Variants in ASAP1 observed in about 807,000 individuals in gnomAD.
The protein encoded by ASAP1 is ArfGAP with SH3 domain, ankyrin repeat and PH domain 1, also known as arf-GAP with SH3 domain, ANK repeat and PH domain-containing protein 1.
Under a neutral mutation model 145.2 loss-of-function variants are expected in ASAP1, and 43 were observed. The ratio of observed to expected loss-of-function variants is 0.30; its 90% CI spans 0.23 to 0.38. The LOEUF (loss-of-function observed/expected upper bound fraction) is 0.38. ASAP1 is among the 10% of genes least tolerant of loss of function. ASAP1 has a pLI of 1.00. For missense variants in ASAP1, 1,018 were observed against 1,355.3 expected, an observed-to-expected ratio of 0.75 and a Z score of 3.91; for synonymous variants, 546 against 515.5, an observed-to-expected ratio of 1.06 and a Z score of -0.80.
chr8:130,407,039 T>C lies in ASAP1; in HGVS notation c.-27-5069A>G, dbSNP rs556361768. Among the ~76,000 whole-genome samples, 24 of 152,278 alleles carry C rather than the reference T, an allele frequency of 1.6e-4. 1 individual carries two copies. Among genetic ancestry groups the C allele is most frequent in the Admixed American group, 3.9e-4 (6 of 15,288 alleles). On this transcript the variant is annotated intron_variant, in intron 1 of 29. Coordinates refer to ENST00000518721, the MANE Select transcript of ASAP1 (RefSeq NM_018482.4). ...AACCATAAGGAAAGTACCTACCTCA[T>C]GCAGTCATAGCAAGAATTAATAAGA...
chr8:130,092,337 TAA>T (rs1434352953), intron 24 of ASAP1, among the ~76,000 whole-genome samples, 194 bp from the exon 25 acceptor site: 1 of 148,582 alleles, frequency 6.7e-6, no homozygotes, highest in African/African-American at 2.4e-5. Flanking sequence ...AAAAAAAAAA[TAA>T]AATTGGCCAG....
intron 3 of ASAP1, among the ~76,000 whole-genome samples, chr8:130,263,964 A>G (rs902567608): frequency 4.2e-4 from 64 of 152,314 alleles, no homozygotes; most frequent in African/African-American, 1.5e-3. Flanking sequence ...CTTGCCACAG[A>G]CCTCTGTGGT....
intron 3 of ASAP1, among the ~76,000 whole-genome samples, chr8:130,303,025 G>A (rs1822774161): frequency 1.3e-5 from 2 of 152,064 alleles, no homozygotes; most frequent in Non-Finnish European, 1.5e-5. Context: ...GTTTTTGTTT[G>A]GTTAAAAACC....
At chr8:130,169,603 C>T (rs577494714) in intron 9 of ASAP1, among the ~76,000 whole-genome samples, 7 of 152,316 alleles carry the variant, frequency 4.6e-5, no homozygotes, top group Non-Finnish European at 8.8e-5. Flanking sequence ...ATAATACCAA[C>T]GGGTTTGGAA....
intron 25 of ASAP1, among the ~76,000 whole-genome samples, chr8:130,082,305 GT>G (rs1334463146): frequency 6.6e-6 from 1 of 152,032 alleles, no homozygotes; most frequent in African/African-American, 2.4e-5. Context: ...GACTTCTTTG[GT>G]AACTCATAAA....
intron 2 of ASAP1, among the ~76,000 whole-genome samples, chr8:130,395,473 C>T (rs1828484246): frequency 6.6e-6 from 1 of 152,202 alleles, no homozygotes; most frequent in Admixed American, 6.5e-5. Flanking sequence ...GAGAGGCACA[C>T]AGGCAGAATG....
At chr8:130,126,286 T>G (rs535119079) in intron 16 of ASAP1, among the ~76,000 whole-genome samples, 197 bp from the exon 17 acceptor site, 1 of 152,330 alleles carries the variant, frequency 6.6e-6, no homozygotes, top group East Asian at 1.9e-4. Flanking sequence ...GAAAACAAAA[T>G]TAAGCACTTT....
chr8:130,364,955 T>C (rs547618463), intron 2 of ASAP1, among the ~76,000 whole-genome samples: 2 of 152,006 alleles, frequency 1.3e-5, no homozygotes, highest in Admixed American at 6.6e-5. Context: ...ATAAATAAAA[T>C]AAAACACAAA....
intron 3 of ASAP1, among the ~76,000 whole-genome samples, chr8:130,329,354 TG>T (rs1365192636): frequency 6.6e-6 from 1 of 152,224 alleles, no homozygotes; most frequent in Non-Finnish European, 1.5e-5. Flanking sequence ...AGCTTTGGCT[TG>T]GCTCTTTTCA....
chr8:130,385,872 G>A (rs992502529), intron 2 of ASAP1, among the ~76,000 whole-genome samples: 1 of 152,162 alleles, frequency 6.6e-6, no homozygotes, highest in African/African-American at 2.4e-5. Flanking sequence ...AATTCCCACT[G>A]GGGAGTCCCC....
At chr8:130,165,378 C>G (rs1484647361) in intron 11 of ASAP1, among the ~76,000 whole-genome samples, 1 of 152,146 alleles carries the variant, frequency 6.6e-6, no homozygotes, top group South Asian at 2.1e-4. Context: ...ACAATATTCT[C>G]CCAAGACTGA....
chr8:130,217,250 A>T (rs1816983909), intron 4 of ASAP1, among the ~76,000 whole-genome samples: 1 of 152,202 alleles, frequency 6.6e-6, no homozygotes, highest in Admixed American at 6.5e-5. Flanking sequence ...GTAGATGCAT[A>T]GTATTTACAT....
intron 3 of ASAP1, among the ~76,000 whole-genome samples, chr8:130,288,582 C>T (rs915752679): frequency 2.0e-5 from 3 of 152,156 alleles, no homozygotes; most frequent in Non-Finnish European, 4.4e-5. Context: ...TGTTAATCAC[C>T]TTCAAGACCC....
At chr8:130,390,607 T>A (rs1828233261) in intron 2 of ASAP1, among the ~76,000 whole-genome samples, 1 of 152,254 alleles carries the variant, frequency 6.6e-6, no homozygotes, top group African/African-American at 2.4e-5. Context: ...TTTAGGTCTG[T>A]ATTCTCAGTG....
intron 3 of ASAP1, among the ~76,000 whole-genome samples, chr8:130,321,438 C>T (rs545167939): frequency 2.3e-4 from 35 of 152,124 alleles, no homozygotes; most frequent in Non-Finnish European, 4.1e-4. Flanking sequence ...TAAAATCCCT[C>T]CTCAGTCAAT....
intron 13 of ASAP1, among the ~76,000 whole-genome samples, chr8:130,150,094 T>C (rs1168365628): frequency 6.6e-6 from 1 of 152,258 alleles, no homozygotes; most frequent in Non-Finnish European, 1.5e-5. Context: ...CATGGCATGT[T>C]ATCTCACTGA....
intron 12 of ASAP1, among the ~76,000 whole-genome samples, chr8:130,155,832 G>T (rs1479901183): frequency 6.6e-6 from 1 of 152,176 alleles, no homozygotes; most frequent in Non-Finnish European, 1.5e-5. Context: ...TGCCACACAC[G>T]ATTACTGATT....
chr8:130,107,183 C>T (rs5018867), intron 24 of ASAP1, among the ~76,000 whole-genome samples: 80,209 of 118,722 alleles, frequency 0.68, 27,603 homozygotes, highest in South Asian at 0.77. Flanking sequence ...TCTTCTTCTT[C>T]TTTTTTTTTT....
chr8:130,244,963 G>A (rs76701071), intron 3 of ASAP1, among the ~76,000 whole-genome samples: 15,570 of 152,152 alleles, frequency 0.1, 936 homozygotes, highest in South Asian at 0.27. Flanking sequence ...AATTACAGCA[G>A]TTTGAGGAGT....
Sources: allele counts gnomAD v4.1 joint callset (sites outside exome capture counted in the v4.1 genomes callset), GRCh38; gene constraint gnomAD v4.1.1; transcripts MANE v1.5; gene names NCBI Gene and HGNC (gene_info 2026-07-23, HGNC 2026-07-21).